Variants in KIF16B observed in about 807,000 individuals in gnomAD.
KIF16B encodes kinesin-like protein KIF16B.
A neutral mutation model predicts 156.3 loss-of-function variants in KIF16B; 98 were observed. The observed-to-expected ratio is 0.63, with a 90% CI of 0.53 to 0.74. KIF16B has a LOEUF of 0.74. KIF16B is among the 30% of genes least tolerant of loss of function. The probability of loss-of-function intolerance (pLI) is 0.00; values close to 1 mark genes in which losing one functional copy is unlikely to be tolerated. For synonymous variants in KIF16B, 564 were observed against 583.7 expected (o/e 0.97, Z 0.49); for missense variants, 1,421 against 1,606.5 (o/e 0.88, Z 1.97).
chr20:16,525,725 T>C (rs148696335), intron 3 of KIF16B, among the ~76,000 whole-genome samples: 234 of 152,350 alleles, frequency 1.5e-3, no homozygotes, highest in African/African-American at 5.3e-3. Flanking sequence ...ATCTCCGCAC[T>C]GAATAGGACT....
intron 25 of KIF16B, among the ~76,000 whole-genome samples, chr20:16,280,867 T>TGTGTGTGTGTGCGCGC (rs758721339): frequency 2.0e-5 from 3 of 150,788 alleles, no homozygotes; most frequent in African/African-American, 7.3e-5. Context: ...TGTGTGTGTG[T>TGTGTGTGTGTGCGCGC]GCGCAGAAAA....
intron 1 of KIF16B, among the ~76,000 whole-genome samples, chr20:16,536,378 T>C (rs1182901783): frequency 6.6e-6 from 1 of 152,042 alleles, no homozygotes; most frequent in Non-Finnish European, 1.5e-5. Context: ...AGTAGGTTAA[T>C]GGGTACAAAC....
intron 22 of KIF16B, among the ~76,000 whole-genome samples, chr20:16,362,723 T>C (rs2064574297): frequency 6.6e-6 from 1 of 152,188 alleles, no homozygotes; most frequent in Non-Finnish European, 1.5e-5. Flanking sequence ...TTTCCAAATC[T>C]GAAATGGAGT....
intron 20 of KIF16B, 68 bp from the exon 21 acceptor site, chr20:16,371,829 T>C: frequency 1.9e-6 from 2 of 1,060,216 alleles, no homozygotes; most frequent in Admixed American, 3.4e-5. Flanking sequence ...AGATCCTCTC[T>C]TTACTACGCC....
chr20:16,375,010 G>C (rs1380010264), intron 19 of KIF16B, among the ~76,000 whole-genome samples: 1 of 152,178 alleles, frequency 6.6e-6, no homozygotes, highest in Non-Finnish European at 1.5e-5. Flanking sequence ...ATGGGAAGGG[G>C]AAGCAGAAAA....
chr20:16,517,643 G>A (rs2069187077), intron 3 of KIF16B, among the ~76,000 whole-genome samples: 1 of 152,020 alleles, frequency 6.6e-6, no homozygotes, highest in Non-Finnish European at 1.5e-5. Context: ...ACCTGGAAGG[G>A]CCCCTCCCTG....
rs905334142 is a variant in KIF16B, at chr20:16,380,006, C to T, written c.1996G>A (p.Glu666Lys). 8.7e-6 allele frequency: 14 copies of T among 1,604,534 alleles called. No homozygotes were observed. The highest frequency in any genetic ancestry group is 1.4e-5 in the African/African-American group (1 of 73,986). Residue 666 changes from glutamate (E) to lysine (K), a missense_variant, in exon 19 of 26, where the codon GAG becomes AAG. By Grantham distance (56) the Glu-to-Lys change is moderately conservative. Coordinates refer to ENST00000354981, the MANE Select transcript of KIF16B (RefSeq NM_024704.5). ...GCAAGTAAATCCTTTAGCTTGTTCTCGATGTGGAAGCTGCGGCGTTTGAGG... is the reference window on the plus strand; with the variant it reads ...GCAAGTAAATCCTTTAGCTTGTTCTTGATGTGGAAGCTGCGGCGTTTGAGG... ...ESLKRRSFHI[E>K]NKLKDLLAEK... is the part of the protein sequence containing the mutation.
chr20:16,317,903 C>T (rs2063721367), intron 24 of KIF16B, among the ~76,000 whole-genome samples: 1 of 152,178 alleles, frequency 6.6e-6, no homozygotes, highest in Admixed American at 6.5e-5. Flanking sequence ...CTGGGGAAGT[C>T]CCTGTCTCCA....
intron 12 of KIF16B, among the ~76,000 whole-genome samples, chr20:16,473,390 A>T (rs6043987): frequency 1.5e-3 from 234 of 152,338 alleles, no homozygotes; most frequent in African/African-American, 5.1e-3. Flanking sequence ...ACAGTCCCTC[A>T]ACAAACATTT....
At chr20:16,372,035 T>G (rs935491605) in intron 20 of KIF16B, among the ~76,000 whole-genome samples, 6 of 152,224 alleles carry the variant, frequency 3.9e-5, no homozygotes, top group Non-Finnish European at 7.3e-5. Flanking sequence ...ACGTCCTTAG[T>G]GGAATGCCCG....
intron 1 of KIF16B, among the ~76,000 whole-genome samples, chr20:16,546,567 T>C (rs2070413577): frequency 1.3e-5 from 2 of 152,122 alleles, no homozygotes; most frequent in Admixed American, 1.3e-4. Context: ...CCAAAATAGG[T>C]GCAAGTGGAA....
chr20:16,530,049 T>C (rs892885299), intron 1 of KIF16B, among the ~76,000 whole-genome samples: 1 of 152,162 alleles, frequency 6.6e-6, no homozygotes, highest in African/African-American at 2.4e-5. Context: ...CCTTGCTTTG[T>C]CCATTGAAAA....
intron 1 of KIF16B, among the ~76,000 whole-genome samples, chr20:16,537,287 C>T (rs1432548914): frequency 6.6e-6 from 1 of 152,152 alleles, no homozygotes; most frequent in Non-Finnish European, 1.5e-5. Flanking sequence ...CCATCCTCTT[C>T]CCACGGTCAA....
intron 1 of KIF16B, among the ~76,000 whole-genome samples, chr20:16,537,760 G>C (rs1393734129): frequency 7.2e-6 from 1 of 139,542 alleles, no homozygotes; most frequent in Non-Finnish European, 1.5e-5. Context: ...CTAAAGTGCA[G>C]TGACACAATC....
chr20:16,404,956 G>C (rs1047278390), intron 16 of KIF16B, 55 bp from the exon 17 acceptor site: 1 of 1,240,832 alleles, frequency 8.1e-7, no homozygotes, highest in Non-Finnish European at 1.2e-6. Context: ...AAAGGCCACT[G>C]CTCTGGACTC....
Position 16,568,642 on chromosome 20 carries a change from C to G in KIF16B, c.47+4587G>C, listed in dbSNP as rs560752977. On this transcript the variant is annotated intron_variant, in intron 1 of 25. Transcript: ENST00000354981. Reference sequence around the variant, plus strand: ...CAGCCTGGGCGACACAGGGAGACCCCGTCTCTACAAATAATTTTAAAAATT... The same window carrying G: ...CAGCCTGGGCGACACAGGGAGACCCGGTCTCTACAAATAATTTTAAAAATT... 8.6e-5 allele frequency among the ~76,000 whole-genome samples: 13 copies of G among 151,824 alleles called. No homozygotes were observed. The South Asian group carries it at 2.3e-3, about 27-fold the overall frequency.
intron 23 of KIF16B, among the ~76,000 whole-genome samples, chr20:16,354,806 C>T (rs904698990): frequency 2.6e-5 from 4 of 152,054 alleles, no homozygotes; most frequent in African/African-American, 7.2e-5. Flanking sequence ...GTCAGCCGGA[C>T]GTGGTGGCAC....
At chr20:16,425,371 A>T (rs1471174817) in intron 15 of KIF16B, among the ~76,000 whole-genome samples, 2 of 152,190 alleles carry the variant, frequency 1.3e-5, no homozygotes, top group Non-Finnish European at 2.9e-5. Context: ...CCCTTTAAAT[A>T]GATAAATGAC....
intron 25 of KIF16B, among the ~76,000 whole-genome samples, chr20:16,279,561 T>G (rs1384879280): frequency 6.6e-6 from 1 of 152,150 alleles, no homozygotes; most frequent in Non-Finnish European, 1.5e-5. Flanking sequence ...AAACCTTCCT[T>G]GTAGAACACA....
Sources: gnomAD v4.1 joint callset for allele counts (sites outside exome capture counted in the v4.1 genomes callset) on GRCh38, gnomAD v4.1.1 for gene constraint, MANE v1.5 for transcripts, NCBI Gene and HGNC (gene_info 2026-07-23, HGNC 2026-07-21) for gene names.